The following GJC1 variants were observed in gnomAD, a reference collection of about 807,000 sequenced individuals.
GJC1 encodes gap junction protein gamma 1.
In GJC1, 5 loss-of-function variants were observed where a neutral mutation model predicts 29.3. That is an observed-to-expected ratio of 0.17 (90% CI 0.09 to 0.36). The LOEUF (loss-of-function observed/expected upper bound fraction) is 0.36, where lower values mean the gene tolerates loss of function less well. GJC1 is among the 10% of genes least tolerant of loss of function. GJC1 has a pLI of 1.00. For missense variants in GJC1, 310 were observed against 496.2 expected, an observed-to-expected ratio of 0.62 and a Z score of 3.56; for synonymous variants, 177 against 183.3, an observed-to-expected ratio of 0.97 and a Z score of 0.28.
chr17:44,807,568 G>A (rs984890061), intron 1 of GJC1, 99 bp from the exon 2 acceptor site: 1 of 152,168 alleles, frequency 6.6e-6, no homozygotes, highest in African/African-American at 2.4e-5. Context: ...AGTTTTCTAT[G>A]TATCATAAAA....
Position 44,805,012 on chromosome 17 carries a change from A to C in GJC1, c.806T>G (p.Leu269Arg), listed in dbSNP as rs2145300831. The change falls in exon 3 of 3, where the codon CTT becomes CGT. Residue 269 changes from leucine (L) to arginine (R), a missense_variant. Transcript: ENST00000592524. This position sits in a 1 kb window ranked among gnomAD's most constrained non-coding sequence, Gnocchi z 5.1. ...RDSLNSKRRE[L>R]EDPGAYNYPF... ...ATAATTATAAGCACCCGGATCCTCA[A>C]GTTCCCTCCTTTTACTGTTTAGTGA... 6.2e-7 allele frequency: 1 copy of C among 1,614,068 alleles called. No individual in the cohort carries two copies. The highest frequency in any genetic ancestry group is 8.5e-7 in the Non-Finnish European group (1 of 1,180,026).
chr17:44,811,960 C>T (rs2145324668), intron 1 of GJC1, among the ~76,000 whole-genome samples: 1 of 149,234 alleles, frequency 6.7e-6, no homozygotes, highest in South Asian at 2.1e-4. Context: ...CCGAGATCGT[C>T]CCATTGCACT....
intron 1 of GJC1, among the ~76,000 whole-genome samples, chr17:44,821,830 C>T (rs938840931): frequency 6.6e-5 from 10 of 151,376 alleles, no homozygotes; most frequent in East Asian, 5.8e-4. Context: ...CTTTAAAGTG[C>T]TTATATCCTT....
intron 1 of GJC1, among the ~76,000 whole-genome samples, chr17:44,816,453 G>A (rs1243926783): frequency 6.6e-6 from 1 of 152,166 alleles, no homozygotes; most frequent in Non-Finnish European, 1.5e-5. Context: ...TATCCAAACA[G>A]ACTCAAATTA....
Position 44,827,356 on chromosome 17 carries a change from A to C in GJC1, c.-97+2706T>G, listed in dbSNP as rs187698128. On this transcript the variant is annotated intron_variant, in intron 1 of 2. Transcript: ENST00000592524. ...TCTCAAAAACAAACAAACAAAAAAA[A>C]AAAATTCCTGCTTTTTCTTTGCCTA... is the stretch of plus-strand genomic sequence containing the variant. Among the ~76,000 whole-genome samples, 378 of 152,268 alleles carry C rather than the reference A, an allele frequency of 2.5e-3. 4 individuals carry two copies. The highest frequency in any genetic ancestry group is 8.1e-3 in the African/African-American group (337 of 41,560).
chr17:44,821,781 A>T (rs188062803), intron 1 of GJC1, among the ~76,000 whole-genome samples: 1 of 151,674 alleles, frequency 6.6e-6, no homozygotes, highest in African/African-American at 2.4e-5. Context: ...CATCTGGTAC[A>T]ACTTTTCTGG....
chr17:44,823,171 G>A (rs903500406), intron 1 of GJC1, among the ~76,000 whole-genome samples: 23 of 151,926 alleles, frequency 1.5e-4, no homozygotes, highest in Admixed American at 3.9e-4. Flanking sequence ...ATAAGAATAG[G>A]GGTGTGTGAA....
At chr17:44,826,049 T>C (rs1177880280) in intron 1 of GJC1, among the ~76,000 whole-genome samples, 3 of 151,842 alleles carry the variant, frequency 2.0e-5, no homozygotes, top group Non-Finnish European at 2.9e-5. Flanking sequence ...GCCTCCCGAG[T>C]AGCTGGGATT....
intron 1 of GJC1, among the ~76,000 whole-genome samples, chr17:44,816,563 G>T (rs557124301): frequency 1.3e-5 from 2 of 152,194 alleles, no homozygotes; most frequent in African/African-American, 4.8e-5. Flanking sequence ...GTGCAATGGC[G>T]AAGTCTCAGC....
At position 44,799,858 on chromosome 17, in the gene GJC1, G is replaced by A. The variant is rs1263659628; in HGVS notation, c.*4769C>T. ...TGCTTGAGCCAAGGAGGTCCAGGCT[G>A]TAGTGAGTTGAGATTGTGCCATTGC... On this transcript the variant is annotated 3_prime_UTR_variant, in exon 3 of 3. Coordinates refer to ENST00000592524, the MANE Select transcript of GJC1 (RefSeq NM_005497.4). The A allele has an allele frequency of 1.3e-5, 2 of 152,244 alleles. No individual in the cohort carries two copies. Among genetic ancestry groups the A allele is most frequent in the African/African-American group, 4.8e-5 (2 of 41,458 alleles). 9.4% of individuals were successfully genotyped at this position (152,244 alleles called of 1,614,324 possible).
intron 1 of GJC1, among the ~76,000 whole-genome samples, chr17:44,814,160 A>C (rs1284957629): frequency 6.6e-6 from 1 of 151,984 alleles, no homozygotes; most frequent in Non-Finnish European, 1.5e-5. Flanking sequence ...TTATTTTTTG[A>C]GACAGAGTCT....
chr17:44,805,868 A>G lies in GJC1; in HGVS notation c.-20-31T>C. The G allele has an allele frequency of 1.1e-6, 1 of 930,692 alleles. No individual in the cohort carries two copies. The highest frequency in any genetic ancestry group is 2.7e-5 in the Admixed American group (1 of 37,632). 57.7% of individuals were successfully genotyped at this position (930,692 alleles called of 1,614,324 possible). A position where few individuals can be genotyped will look rare whatever the true frequency, so the allele number is the denominator to read the frequency against. Reference sequence around the variant, plus strand: ...AAAAGTGGAAAAATACCAAAATAAAATCAACAAATATTAAATCTTAATTTA... The same window carrying G: ...AAAAGTGGAAAAATACCAAAATAAAGTCAACAAATATTAAATCTTAATTTA... On this transcript the variant is annotated intron_variant, in intron 2 of 2. Coordinates refer to ENST00000592524, the MANE Select transcript of GJC1 (RefSeq NM_005497.4). This position sits in a 1 kb window ranked among gnomAD's most constrained non-coding sequence, Gnocchi z 5.1.
intron 1 of GJC1, among the ~76,000 whole-genome samples, chr17:44,812,143 C>G (rs2049990171): frequency 6.6e-6 from 1 of 151,840 alleles, no homozygotes; most frequent in South Asian, 2.1e-4. Context: ...TGAAACCCGC[C>G]CCTACTAAAA....
rs1353132358 is a variant in GJC1, at chr17:44,799,503, G to T, written c.*5124C>A. ...TTACAGGTGTTAGCCACCATGCACA[G>T]CCGAGAACTTTCTTTTATTTGGACT... On this transcript the variant is annotated 3_prime_UTR_variant, in exon 3 of 3. Coordinates refer to ENST00000592524, the MANE Select transcript of GJC1 (RefSeq NM_005497.4). 6.6e-6 allele frequency: 1 copy of T among 151,842 alleles called. No individual in the cohort carries two copies. The highest frequency in any genetic ancestry group is 2.4e-5 in the African/African-American group (1 of 41,278). The allele number at this position is 151,842 out of a possible 1,614,324, so 9.4% of individuals were successfully genotyped here.
At chr17:44,819,659 AAAAT>A (rs199517100) in intron 1 of GJC1, among the ~76,000 whole-genome samples, 9,660 of 146,152 alleles carry the variant, frequency 0.066, 376 homozygotes, top group Non-Finnish European at 0.089. Flanking sequence ...CTCCGTCTCA[AAAAT>A]AAATAAATAA....
At chr17:44,815,552 C>G (rs548235597) in intron 1 of GJC1, among the ~76,000 whole-genome samples, 2 of 152,242 alleles carry the variant, frequency 1.3e-5, no homozygotes, top group African/African-American at 4.8e-5. Context: ...TCAGCACTGT[C>G]ATTATGCTCC....
chr17:44,830,603 C>T, upstream of GJC1: 1 of 398,534 alleles, frequency 2.5e-6, no homozygotes. The surrounding 1 kb of genome is among the most constrained non-coding windows in gnomAD (Gnocchi z 4.3). Flanking sequence ...TCAGTTTGAG[C>T]GGGCCGCTAA....
chr17:44,815,633 C>T (rs2050033033), intron 1 of GJC1, among the ~76,000 whole-genome samples: 1 of 151,828 alleles, frequency 6.6e-6, no homozygotes, highest in Admixed American at 6.6e-5. Context: ...GGATACGTTC[C>T]CCCTCATATA....
chr17:44,818,926 G>A (rs575879859), intron 1 of GJC1, among the ~76,000 whole-genome samples: 2 of 151,988 alleles, frequency 1.3e-5, no homozygotes, highest in Non-Finnish European at 2.9e-5. Flanking sequence ...TAGACAACAT[G>A]GCGAGACCCC....
Sources: gnomAD v4.1 joint callset for allele counts (sites outside exome capture counted in the v4.1 genomes callset) on GRCh38, gnomAD v4.1.1 for gene constraint, Gnocchi (gnomAD v3.1) non-coding constraint, MANE v1.5 for transcripts, NCBI Gene and HGNC (gene_info 2026-07-23, HGNC 2026-07-21) for gene names.